The following CLASP1 variants were observed in gnomAD, a reference collection of about 807,000 sequenced individuals.
CLASP1 encodes CLIP-associating protein 1.
A neutral mutation model predicts 192.3 loss-of-function variants in CLASP1; 38 were observed. The observed-to-expected ratio is 0.20, with a 90% CI of 0.15 to 0.26. CLASP1 has a LOEUF of 0.26. Ranked by LOEUF, CLASP1 falls within the 10% of genes least tolerant of loss-of-function variation. The probability of loss-of-function intolerance (pLI) is 1.00; values close to 1 mark genes in which losing one functional copy is unlikely to be tolerated. For synonymous variants in CLASP1, 691 were observed against 712.8 expected, an observed-to-expected ratio of 0.97 and a Z score of 0.49; for missense variants, 1,433 against 1,932.5, an observed-to-expected ratio of 0.74 and a Z score of 4.85.
chr2:121,615,499 TA>T (rs1435546214), intron 1 of CLASP1, among the ~76,000 whole-genome samples: 2 of 151,776 alleles, frequency 1.3e-5, no homozygotes, highest in Non-Finnish European at 2.9e-5. Context: ...TCAGAAAGGT[TA>T]AAAAAACAAA....
chr2:121,441,305 G>A (rs2149728027), intron 19 of CLASP1, among the ~76,000 whole-genome samples: 1 of 152,218 alleles, frequency 6.6e-6, no homozygotes, highest in Non-Finnish European at 1.5e-5. Flanking sequence ...CATATCTGCT[G>A]TACGTTTCAC....
chr2:121,451,746 A>C (rs749573814), intron 15 of CLASP1, 44 bp downstream of exon 15: 3 of 1,491,838 alleles, frequency 2.0e-6, no homozygotes, highest in South Asian at 2.4e-5. Context: ...TTCACTCTAA[A>C]GGCTCAATTC....
At chr2:121,440,249 C>G (rs2083076727) in intron 19 of CLASP1, among the ~76,000 whole-genome samples, 1 of 152,054 alleles carries the variant, frequency 6.6e-6, no homozygotes, top group Admixed American at 6.5e-5. Context: ...GTGTTAAACT[C>G]AGATATATAT....
intron 7 of CLASP1, among the ~76,000 whole-genome samples, chr2:121,510,792 T>C (rs1173083867): frequency 6.6e-6 from 1 of 151,936 alleles, no homozygotes; most frequent in Non-Finnish European, 1.5e-5. Context: ...AGAGAGATCC[T>C]GCCTCAAAAA....
intron 37 of CLASP1, among the ~76,000 whole-genome samples, chr2:121,357,281 C>G (rs972909674): frequency 2.0e-5 from 3 of 152,168 alleles, no homozygotes; most frequent in African/African-American, 7.2e-5. Context: ...GACAACAATT[C>G]TATTCAAAAT....
chr2:121,530,990 G>T (rs763500364), intron 2 of CLASP1: 2 of 700,064 alleles, frequency 2.9e-6, no homozygotes, highest in Non-Finnish European at 5.2e-6. Context: ...GCTTTATTTT[G>T]GTGCAATTTT....
intron 1 of CLASP1, among the ~76,000 whole-genome samples, chr2:121,639,701 T>C (rs140463898): frequency 4.0e-5 from 6 of 151,734 alleles, no homozygotes; most frequent in African/African-American, 1.5e-4. Flanking sequence ...CTGTCTCTAC[T>C]AAAAATACAA....
At chr2:121,367,108 G>A (rs1217523532) in intron 35 of CLASP1, among the ~76,000 whole-genome samples, 1 of 152,188 alleles carries the variant, frequency 6.6e-6, no homozygotes, top group Non-Finnish European at 1.5e-5. Flanking sequence ...AGGGAGACCT[G>A]GTTACAAAGC....
rs1333740502 is a variant in CLASP1, at chr2:121,564,235, G to A, written c.196-33910C>T. Among the ~76,000 whole-genome samples the A allele has an allele frequency of 2.0e-5, 3 of 152,274 alleles. No homozygotes were observed. The East Asian group carries it at 5.8e-4, about 29-fold the overall frequency. ...GCAATGAGGAAAAACAAAAAAAGGT[G>A]GCGGCGGGGTAGGGAGCTAACATTT... On this transcript the variant is annotated intron_variant, in intron 2 of 39. Coordinates refer to ENST00000263710, the Ensembl canonical transcript of CLASP1.
intron 38 of CLASP1, 31 bp downstream of exon 39, chr2:121,348,481 G>A (rs368665701): frequency 1.0e-4 from 157 of 1,569,696 alleles, no homozygotes; most frequent in Non-Finnish European, 1.3e-4. Context: ...CACACAGGCC[G>A]GGGGCAGGCC....
chr2:121,616,222 G>A (rs1162788867), intron 1 of CLASP1, among the ~76,000 whole-genome samples: 2 of 152,128 alleles, frequency 1.3e-5, no homozygotes, highest in Non-Finnish European at 2.9e-5. Flanking sequence ...CAGGGCGGGT[G>A]GATCACCTGA....
chr2:121,462,406 TC>T, intron 10 of CLASP1, 125 bp downstream of exon 10: 1 of 572,736 alleles, frequency 1.7e-6, no homozygotes, highest in Non-Finnish European at 3.2e-6. Flanking sequence ...ACCTCAGATC[TC>T]CTGTAGTGCT....
intron 23 of CLASP1, 131 bp downstream of exon 23, chr2:121,418,491 G>C: frequency 1.5e-6 from 1 of 674,996 alleles, no homozygotes; most frequent in East Asian, 2.6e-5. Context: ...GGTAACTAAG[G>C]AAGAGGAAAG....
chr2:121,481,782 C>G (rs1293744967), intron 8 of CLASP1, among the ~76,000 whole-genome samples: 1 of 152,182 alleles, frequency 6.6e-6, no homozygotes, highest in Non-Finnish European at 1.5e-5. Flanking sequence ...AATAGGTGAC[C>G]ATGTGCATCT....
chr2:121,450,468 G>T (rs1214910865), intron 16 of CLASP1, among the ~76,000 whole-genome samples: 2 of 152,124 alleles, frequency 1.3e-5, no homozygotes, highest in Non-Finnish European at 2.9e-5. Context: ...ATAATCCCAG[G>T]CATTAGTCGA....
chr2:121,546,999 A>G (rs2057504243), intron 2 of CLASP1, among the ~76,000 whole-genome samples: 1 of 152,144 alleles, frequency 6.6e-6, no homozygotes, highest in African/African-American at 2.4e-5. Context: ...GGGGCAGGCC[A>G]CTATCTCTGC....
intron 9 of CLASP1, among the ~76,000 whole-genome samples, chr2:121,466,706 G>T (rs2089660499): frequency 6.6e-6 from 1 of 152,228 alleles, no homozygotes. Context: ...GTGAAAGGAA[G>T]AATTTATGGG....
intron 8 of CLASP1, among the ~76,000 whole-genome samples, chr2:121,486,929 A>C (rs1405311941): frequency 6.6e-6 from 1 of 152,152 alleles, no homozygotes; most frequent in African/African-American, 2.4e-5. Flanking sequence ...TAGCAATCTC[A>C]AGTCTACTCC....
chr2:121,371,632 C>T (rs939844716), intron 34 of CLASP1, among the ~76,000 whole-genome samples: 5 of 152,134 alleles, frequency 3.3e-5, no homozygotes, highest in South Asian at 2.1e-4. Context: ...ACAAGTCCCC[C>T]GCTTCAAAGC....
Sources: allele counts gnomAD v4.1 joint callset (sites outside exome capture counted in the v4.1 genomes callset), GRCh38; gene constraint gnomAD v4.1.1; transcripts MANE v1.5; gene names NCBI Gene and HGNC (gene_info 2026-07-23, HGNC 2026-07-21).